Variants in HS3ST3A1 observed in about 807,000 individuals in gnomAD.
HS3ST3A1 encodes heparan sulfate glucosamine 3-O-sulfotransferase 3A1.
A neutral mutation model predicts 25.7 loss-of-function variants in HS3ST3A1; 19 were observed. The ratio of observed to expected loss-of-function variants is 0.74; its 90% CI spans 0.52 to 1.08. The LOEUF is 1.08. Among genes scored for constraint, HS3ST3A1 ranks in the 50% least tolerant of loss-of-function variants. The pLI, the probability that HS3ST3A1 is intolerant of heterozygous loss-of-function variation, is 0.00. For synonymous variants in HS3ST3A1, 226 were observed against 278.6 expected, an observed-to-expected ratio of 0.81 and a Z score of 1.88; for missense variants, 459 against 594.3, an observed-to-expected ratio of 0.77 and a Z score of 2.37.
intron 1 of HS3ST3A1, chr17:13,556,153 T>C (rs1907365373): frequency 6.6e-6 from 1 of 152,220 alleles, no homozygotes; most frequent in Non-Finnish European, 1.5e-5. Context: ...CAGTATGTGA[T>C]GTGATGAGGG....
chr17:13,566,235 T>C (rs1322628903), intron 1 of HS3ST3A1, among the ~76,000 whole-genome samples: 1 of 152,190 alleles, frequency 6.6e-6, no homozygotes, highest in African/African-American at 2.4e-5. Flanking sequence ...GACTATTGTA[T>C]CTGTTATGGT....
chr17:13,584,554 G>GGAAGGAAGGAAA (rs1197030859), intron 1 of HS3ST3A1, among the ~76,000 whole-genome samples: 72 of 148,814 alleles, frequency 4.8e-4, no homozygotes, highest in African/African-American at 1.7e-3. Context: ...AAGGAAAGAA[G>GGAAGGAAGGAAA]GAAGGAAGGA....
intron 1 of HS3ST3A1, among the ~76,000 whole-genome samples, chr17:13,522,454 G>A (rs1906278133): frequency 6.6e-6 from 1 of 152,134 alleles, no homozygotes; most frequent in East Asian, 1.9e-4. Flanking sequence ...CACAAGTTTA[G>A]TGATTTCTGT....
At chr17:13,559,668 C>T (rs562985761) in intron 1 of HS3ST3A1, among the ~76,000 whole-genome samples, 2 of 151,170 alleles carry the variant, frequency 1.3e-5, no homozygotes, top group South Asian at 4.2e-4. Context: ...GTATCCTTCC[C>T]CTTAGAAAAC....
chr17:13,522,902 C>A (rs950796640), intron 1 of HS3ST3A1, among the ~76,000 whole-genome samples: 1 of 148,156 alleles, frequency 6.7e-6, no homozygotes, highest in Admixed American at 6.7e-5. Flanking sequence ...CAAAAGATAA[C>A]CTTTTCAGTT....
At chr17:13,503,655 A>G (rs1464899423) in intron 1 of HS3ST3A1, among the ~76,000 whole-genome samples, 1 of 152,236 alleles carries the variant, frequency 6.6e-6, no homozygotes, top group Non-Finnish European at 1.5e-5. Flanking sequence ...AGGAAAATGT[A>G]AATTAAAACA....
chr17:13,595,844 TTGGTTGTTG>T (rs1312611957), intron 1 of HS3ST3A1, among the ~76,000 whole-genome samples: 9 of 54,868 alleles, frequency 1.6e-4, no homozygotes, highest in South Asian at 9.7e-4. Flanking sequence ...CGAGGCCTTT[TTGGTTGTTG>T]TTGTTGTTGT....
intron 1 of HS3ST3A1, 143 bp from the exon 2 acceptor site, chr17:13,496,961 A>G: frequency 1.8e-6 from 2 of 1,118,634 alleles, no homozygotes; most frequent in Non-Finnish European, 2.5e-6. Flanking sequence ...GACGTCGCAC[A>G]ACGAGCCCCG....
At chr17:13,581,122 T>C (rs950405370) in intron 1 of HS3ST3A1, among the ~76,000 whole-genome samples, 5 of 152,134 alleles carry the variant, frequency 3.3e-5, no homozygotes, top group East Asian at 3.9e-4. Context: ...ATTAATTCCA[T>C]TGGAACAAAT....
intron 1 of HS3ST3A1, among the ~76,000 whole-genome samples, chr17:13,582,045 A>T (rs1338714037): frequency 6.6e-6 from 1 of 152,216 alleles, no homozygotes; most frequent in Non-Finnish European, 1.5e-5. Context: ...GCAAACAGAC[A>T]CACAAAAAAA....
chr17:13,520,201 T>C lies in HS3ST3A1; in HGVS notation c.600-23383A>G, dbSNP rs192661138. Among the ~76,000 whole-genome samples the C allele has an allele frequency of 3.8e-3, 577 of 152,356 alleles. 2 individuals are homozygous for C. Among genetic ancestry groups the C allele is most frequent in the Middle Eastern group, 0.014 (4 of 294 alleles). ...ATAAAGAATGGATATGTTATTGCTA[T>C]TGACACTCTTCATGTCTCTTATGCT... On this transcript the variant is annotated intron_variant, in intron 1 of 1. Transcript: ENST00000284110.
chr17:13,504,315 T>TCAAACAAACAAA (rs148353655), intron 1 of HS3ST3A1, among the ~76,000 whole-genome samples: 46,759 of 151,456 alleles, frequency 0.31, 7,470 homozygotes, highest in African/African-American at 0.39. Context: ...AGACTCCATC[T>TCAAACAAACAAA]CAAACAAACA....
chr17:13,503,796 T>A (rs1029210098), intron 1 of HS3ST3A1, among the ~76,000 whole-genome samples: 11 of 152,310 alleles, frequency 7.2e-5, no homozygotes, highest in South Asian at 2.1e-4. Flanking sequence ...TTTAGAAAAC[T>A]CTTTGGCACT....
intron 1 of HS3ST3A1, among the ~76,000 whole-genome samples, chr17:13,589,537 G>A (rs1483580019): frequency 6.6e-6 from 1 of 152,160 alleles, no homozygotes; most frequent in Non-Finnish European, 1.5e-5. Context: ...CTACACCAAG[G>A]AGTAAGAGTA....
intron 1 of HS3ST3A1, among the ~76,000 whole-genome samples, chr17:13,581,889 G>A (rs1163391025): frequency 6.6e-6 from 1 of 152,128 alleles, no homozygotes; most frequent in African/African-American, 2.4e-5. Flanking sequence ...AATAAACTCA[G>A]TTCCCAGGGG....
At chr17:13,498,356 C>T (rs1445037502) in intron 1 of HS3ST3A1, among the ~76,000 whole-genome samples, 5 of 152,130 alleles carry the variant, frequency 3.3e-5, no homozygotes, top group Non-Finnish European at 7.4e-5. Context: ...TTTCTCTGAA[C>T]TTCTCTTGCC....
rs542705091 is a variant in HS3ST3A1 at position 13,565,198 on chromosome 17, A to T, written c.599+35333T>A. Among the ~76,000 whole-genome samples, 5 of 152,254 alleles carry T rather than the reference A, an allele frequency of 3.3e-5. No individual in the cohort carries two copies. The East Asian group carries it at 7.7e-4, about 24-fold the overall frequency. The stretch of plus-strand genomic sequence containing the variant: ...TTTTTGCATGGTAGCTAATTTAAGA[A>T]AACCTCAAATTACTATTGCAATCCT... On this transcript the variant is annotated intron_variant, in intron 1 of 1. Transcript: ENST00000284110.
At chr17:13,499,513 A>G (rs1431517068) in intron 1 of HS3ST3A1, among the ~76,000 whole-genome samples, 1 of 151,746 alleles carries the variant, frequency 6.6e-6, no homozygotes, top group Non-Finnish European at 1.5e-5. Flanking sequence ...ACTTTTAACT[A>G]CTTTATTTCA....
At chr17:13,597,015 T>A (rs1212273899) in intron 1 of HS3ST3A1, among the ~76,000 whole-genome samples, 2 of 152,126 alleles carry the variant, frequency 1.3e-5, no homozygotes, top group Non-Finnish European at 2.9e-5. Context: ...CAATCTTTGA[T>A]CTTCCTGTAT....
Sources: allele counts gnomAD v4.1 joint callset (sites outside exome capture counted in the v4.1 genomes callset), GRCh38; gene constraint gnomAD v4.1.1; transcripts MANE v1.5; gene names NCBI Gene and HGNC (gene_info 2026-07-23, HGNC 2026-07-21).